PTPRD: variants seen among roughly 807,000 people sequenced by gnomAD.
The protein encoded by PTPRD is protein tyrosine phosphatase receptor type D.
PTPRD carries 34 observed loss-of-function variants against 214.5 expected under a neutral mutation model. The ratio of observed to expected loss-of-function variants is 0.16; its 90% confidence interval spans 0.12 to 0.21. The LOEUF (loss-of-function observed/expected upper bound fraction) is 0.21, where lower values mean the gene tolerates loss of function less well. Ranked by LOEUF, PTPRD falls within the 10% of genes least tolerant of loss-of-function variation. The pLI is 1.00. For synonymous variants in PTPRD, 1,128 were observed against 845.7 expected (o/e 1.33, Z -5.79); for missense variants, 2,545 against 2,398.7 (o/e 1.06, Z -1.27).
chr9:10,558,630 T>C (rs552210883), intron 2 of PTPRD, among the ~76,000 whole-genome samples: 1 of 152,168 alleles, frequency 6.6e-6, no homozygotes. Flanking sequence ...ATGTCACTTT[T>C]TGTCTACCTA....
At chr9:10,329,421 A>G (rs2096708717) in intron 3 of PTPRD, among the ~76,000 whole-genome samples, 2 of 151,848 alleles carry the variant, frequency 1.3e-5, no homozygotes, top group Admixed American at 1.3e-4. Flanking sequence ...AAATTTAAAA[A>G]GTTATTGTAT....
intron 11 of PTPRD, among the ~76,000 whole-genome samples, chr9:8,811,613 C>G (rs1025011714): frequency 7.3e-5 from 11 of 151,636 alleles, no homozygotes; most frequent in African/African-American, 2.4e-4. Context: ...ATACATTAAT[C>G]ACTGACAAAG....
chr9:8,400,504 T>C (rs1248845455), intron 36 of PTPRD, among the ~76,000 whole-genome samples: 2 of 152,190 alleles, frequency 1.3e-5, no homozygotes, highest in African/African-American at 2.4e-5. Context: ...GAAATGAAGT[T>C]CTAAAACCTA....
intron 3 of PTPRD, among the ~76,000 whole-genome samples, chr9:10,194,600 C>A (rs1260216856): frequency 6.6e-6 from 1 of 151,974 alleles, no homozygotes; most frequent in East Asian, 1.9e-4. Flanking sequence ...CCCACTTCAG[C>A]CATATCACAT....
At chr9:8,870,126 T>TAAA (rs5896269) in intron 11 of PTPRD, among the ~76,000 whole-genome samples, 1 of 137,582 alleles carries the variant, frequency 7.3e-6, no homozygotes, top group Non-Finnish European at 1.6e-5. Flanking sequence ...TTCCATCAGT[T>TAAA]AAAAAAAAAA....
chr9:10,474,858 A>G (rs1183905068), intron 2 of PTPRD, among the ~76,000 whole-genome samples: 1 of 152,168 alleles, frequency 6.6e-6, no homozygotes, highest in East Asian at 1.9e-4. Flanking sequence ...CTACATGGAA[A>G]CTGAACAACC....
intron 2 of PTPRD, among the ~76,000 whole-genome samples, chr9:10,469,317 G>A (rs565115123): frequency 2.0e-5 from 3 of 152,110 alleles, no homozygotes; most frequent in African/African-American, 4.8e-5. Flanking sequence ...TTATAAAAGT[G>A]TCTAAACTAT....
intron 11 of PTPRD, among the ~76,000 whole-genome samples, chr9:8,897,558 C>T (rs764981039): frequency 5.9e-5 from 9 of 152,276 alleles, no homozygotes; most frequent in African/African-American, 2.2e-4. Flanking sequence ...AGGGCCTTCG[C>T]CATGAGCTGT....
chr9:8,990,257 G>C (rs2099361154), intron 11 of PTPRD, among the ~76,000 whole-genome samples: 1 of 152,166 alleles, frequency 6.6e-6, no homozygotes, highest in Admixed American at 6.6e-5. Flanking sequence ...AAAGGAGCAA[G>C]GGTCCCACTT....
chr9:10,065,839 C>A (rs998540039), intron 3 of PTPRD, among the ~76,000 whole-genome samples: 6 of 151,886 alleles, frequency 4.0e-5, no homozygotes, highest in African/African-American at 1.4e-4. Context: ...ACCAGTTATA[C>A]TGGGGGGAGT....
At chr9:8,953,449 T>C (rs948443821) in intron 11 of PTPRD, among the ~76,000 whole-genome samples, 10 of 151,934 alleles carry the variant, frequency 6.6e-5, no homozygotes, top group Admixed American at 3.3e-4. Context: ...GGCAAAGAAT[T>C]TGTAGCTAAG....
intron 11 of PTPRD, among the ~76,000 whole-genome samples, chr9:8,894,029 G>T (rs146281236): frequency 2.5e-4 from 38 of 151,910 alleles, no homozygotes; most frequent in Non-Finnish European, 1.0e-4. Context: ...CCGAAGATAC[G>T]CACACAATGG....
chr9:9,391,188 A>G (rs531978562), intron 9 of PTPRD, among the ~76,000 whole-genome samples: 99 of 152,298 alleles, frequency 6.5e-4, no homozygotes, highest in Middle Eastern at 3.4e-3. Flanking sequence ...ATCATTTAAA[A>G]TAAGCCCCCA....
intron 5 of PTPRD, among the ~76,000 whole-genome samples, chr9:9,928,206 T>A (rs1340438515): frequency 6.6e-6 from 1 of 152,166 alleles, no homozygotes; most frequent in Non-Finnish European, 1.5e-5. Context: ...CAGCTTAAAT[T>A]TCAGATCATG....
chr9:8,744,850 G>A (rs769159073), intron 11 of PTPRD, among the ~76,000 whole-genome samples: 4 of 152,190 alleles, frequency 2.6e-5, no homozygotes, highest in Non-Finnish European at 5.9e-5. Flanking sequence ...TTGTCCTCAT[G>A]ACTATTCCCA....
chr9:9,936,317 A>C (rs948929114), intron 5 of PTPRD, among the ~76,000 whole-genome samples: 1 of 151,680 alleles, frequency 6.6e-6, no homozygotes, highest in African/African-American at 2.4e-5. Flanking sequence ...GAAAATTTTC[A>C]CAACCTACTC....
chr9:8,342,200 A>G (rs1853089600), intron 39 of PTPRD, among the ~76,000 whole-genome samples: 1 of 152,098 alleles, frequency 6.6e-6, no homozygotes, highest in Non-Finnish European at 1.5e-5. Flanking sequence ...TTTAGTTTTA[A>G]AATGTAAAAA....
intron 11 of PTPRD, among the ~76,000 whole-genome samples, chr9:8,808,360 G>C (rs954393088): frequency 3.9e-5 from 6 of 151,928 alleles, no homozygotes; most frequent in African/African-American, 1.5e-4. Flanking sequence ...AGCACTTTTG[G>C]GAAAACGCTA....
At chr9:9,821,331 G>T (rs745670300) in intron 5 of PTPRD, among the ~76,000 whole-genome samples, 1 of 152,130 alleles carries the variant, frequency 6.6e-6, no homozygotes, top group Non-Finnish European at 1.5e-5. Flanking sequence ...AAATGTAATT[G>T]AATTTTATGG....
Sources: gnomAD v4.1 joint callset for allele counts (sites outside exome capture counted in the v4.1 genomes callset) on GRCh38, gnomAD v4.1.1 for gene constraint, MANE v1.5 for transcripts, NCBI Gene and HGNC (gene_info 2026-07-23, HGNC 2026-07-21) for gene names.